Variants in CEP83 observed in about 807,000 individuals in gnomAD.
CEP83 encodes the protein centrosomal protein 83, also known as centrosomal protein of 83 kDa.
A neutral mutation model predicts 101.9 loss-of-function variants in CEP83; 70 were observed. The ratio of observed to expected loss-of-function variants is 0.69; its 90% CI spans 0.57 to 0.84. The LOEUF (loss-of-function observed/expected upper bound fraction) is 0.84, where lower values mean the gene tolerates loss of function less well. CEP83 is among the 40% of genes least tolerant of loss of function. CEP83 has a pLI of 0.00. For synonymous variants in CEP83, 264 were observed against 267.9 expected, an observed-to-expected ratio of 0.99 and a Z score of 0.14; for missense variants, 715 against 787.2, an observed-to-expected ratio of 0.91 and a Z score of 1.10.
At chr12:94,398,163 A>G (rs972278848) in intron 6 of CEP83, among the ~76,000 whole-genome samples, 2 of 152,256 alleles carry the variant, frequency 1.3e-5, no homozygotes, top group African/African-American at 2.4e-5. Flanking sequence ...CTCCTTCTTA[A>G]GCCGAAGCTG....
At chr12:94,269,966 T>G in the CEP83 span, among the ~76,000 whole-genome samples, 1 of 152,252 alleles carries the variant, frequency 6.6e-6, no homozygotes, top group African/African-American at 2.4e-5. Flanking sequence ...CTTCATACAC[T>G]TTCTTCTCAT....
chr12:94,427,775 CA>C (rs1328433476), intron 2 of CEP83, among the ~76,000 whole-genome samples: 4 of 152,120 alleles, frequency 2.6e-5, no homozygotes, highest in African/African-American at 9.7e-5. Flanking sequence ...GGACCTACAC[CA>C]GGCATTTACT....
intron 11 of CEP83, among the ~76,000 whole-genome samples, chr12:94,357,311 C>T (rs1202936772): frequency 2.0e-4 from 30 of 150,602 alleles, no homozygotes; most frequent in African/African-American, 7.5e-4. Context: ...TACTCCATTT[C>T]CTGGAGCTTG....
chr12:94,280,044 C>T, the CEP83 span: 10 of 350,524 alleles, frequency 2.9e-5, no homozygotes, highest in South Asian at 1.3e-4. Flanking sequence ...TGATACTGAG[C>T]GTGTCATTAC....
At chr12:94,301,155 T>C in the CEP83 span, 1 of 961,554 alleles carries the variant, frequency 1.0e-6, no homozygotes, top group Non-Finnish European at 1.5e-6. Flanking sequence ...TGGTCTAAAC[T>C]ACACCAGCTA....
chr12:94,397,613 T>C (rs1431521840), intron 6 of CEP83, among the ~76,000 whole-genome samples: 1 of 152,198 alleles, frequency 6.6e-6, no homozygotes, highest in African/African-American at 2.4e-5. Flanking sequence ...AGATTTCGAA[T>C]GCAGGTTTCA....
At chr12:94,279,618 T>A in the CEP83 span, 2 of 1,614,232 alleles carry the variant, frequency 1.2e-6, no homozygotes, top group South Asian at 1.1e-5. Flanking sequence ...ATGGCTCTCC[T>A]TATGGACTTC....
intron 11 of CEP83, among the ~76,000 whole-genome samples, chr12:94,357,466 T>C (rs2060534110): frequency 6.6e-6 from 1 of 152,216 alleles, no homozygotes; most frequent in African/African-American, 2.4e-5. Context: ...CTAGTCAGTG[T>C]CACTCTAAGT....
chr12:94,373,002 G>A (rs1233145880), intron 8 of CEP83, among the ~76,000 whole-genome samples: 4 of 152,040 alleles, frequency 2.6e-5, no homozygotes, highest in Admixed American at 6.6e-5. Flanking sequence ...ACAAATAATA[G>A]CACTTTTCTA....
chr12:94,385,447 C>T (rs1165393473), intron 6 of CEP83, among the ~76,000 whole-genome samples: 1 of 152,078 alleles, frequency 6.6e-6, no homozygotes, highest in Non-Finnish European at 1.5e-5. Context: ...CTCATACTGT[C>T]TCTAGTGACA....
At chr12:94,420,836 C>G (rs2064681289) in intron 2 of CEP83, among the ~76,000 whole-genome samples, 1 of 151,814 alleles carries the variant, frequency 6.6e-6, no homozygotes, top group Non-Finnish European at 1.5e-5. Flanking sequence ...TAAATACAAG[C>G]ACTATAGTAT....
the CEP83 span, chr12:94,282,399 GA>G: frequency 6.2e-7 from 1 of 1,601,518 alleles, no homozygotes; most frequent in South Asian, 1.1e-5. Flanking sequence ...TGGCCACTAT[GA>G]GGTAAGAGCA....
At chr12:94,304,775 TAC>T (rs1289469490), downstream of CEP83, among the ~76,000 whole-genome samples, 1 of 152,140 alleles carries the variant, frequency 6.6e-6, no homozygotes. Flanking sequence ...GAGGAGGGAC[TAC>T]ACTGCCCAGA....
chr12:94,377,598 T>A (rs991417931), intron 7 of CEP83, among the ~76,000 whole-genome samples: 4 of 152,230 alleles, frequency 2.6e-5, no homozygotes, highest in African/African-American at 9.6e-5. Context: ...AAGAAAGAAA[T>A]GCTTGCTGTC....
intron 11 of CEP83, among the ~76,000 whole-genome samples, chr12:94,355,849 T>C (rs947906214): frequency 2.0e-5 from 3 of 152,256 alleles, no homozygotes; most frequent in African/African-American, 7.2e-5. Flanking sequence ...CATCCTTTCG[T>C]TTCCCTTAAG....
the CEP83 span, chr12:94,297,111 C>T: frequency 8.3e-6 from 12 of 1,443,458 alleles, no homozygotes; most frequent in Non-Finnish European, 1.2e-5. Context: ...CAAATGGGGC[C>T]TTTTAAGAGA....
chr12:94,386,040 A>G (rs1277962858), intron 6 of CEP83, among the ~76,000 whole-genome samples: 1 of 152,198 alleles, frequency 6.6e-6, no homozygotes, highest in Non-Finnish European at 1.5e-5. Context: ...GCATATATGT[A>G]TAGTCCATGA....
intron 2 of CEP83, among the ~76,000 whole-genome samples, chr12:94,413,409 T>C (rs1018387323): frequency 6.6e-6 from 1 of 152,158 alleles, no homozygotes; most frequent in African/African-American, 2.4e-5. Context: ...AAGCTTCAAG[T>C]ATAGATCCTG....
intron 1 of CEP83, among the ~76,000 whole-genome samples, chr12:94,440,368 G>T (rs1274838594): frequency 6.6e-6 from 1 of 152,064 alleles, no homozygotes; most frequent in African/African-American, 2.4e-5. Context: ...GTACACAGAT[G>T]AGTAGCTCTG....
Sources: gnomAD v4.1 joint callset for allele counts (sites outside exome capture counted in the v4.1 genomes callset) on GRCh38, gnomAD v4.1.1 for gene constraint, MANE v1.5 for transcripts, NCBI Gene and HGNC (gene_info 2026-07-23, HGNC 2026-07-21) for gene names.